RIIAD1: variants seen among roughly 807,000 people sequenced by gnomAD.
RIIAD1 encodes regulatory subunit of type II PKA R-subunit domain containing 1, also known as RIIa domain-containing protein 1.
RIIAD1 carries 15 observed loss-of-function variants against 13.3 expected under a neutral mutation model. That is an observed-to-expected ratio of 1.13 (90% CI 0.76 to 1.74). The LOEUF (loss-of-function observed/expected upper bound fraction) is 1.74, where lower values mean the gene tolerates loss of function less well. Among genes scored for constraint, RIIAD1 ranks in the 40% most tolerant of loss-of-function variants. The pLI is 0.00. For missense variants in RIIAD1, 121 were observed against 112.2 expected, an observed-to-expected ratio of 1.08 and a Z score of -0.35; for synonymous variants, 50 against 43.3, an observed-to-expected ratio of 1.16 and a Z score of -0.61.
chr1:151,722,730 C>G (rs1196998265), intron 2 of RIIAD1, among the ~76,000 whole-genome samples: 2 of 152,200 alleles, frequency 1.3e-5, no homozygotes, highest in African/African-American at 4.8e-5. Context: ...GCACCCATCT[C>G]CAGGCATTGT....
In RIIAD1 at chr1:151,727,640, GTT is replaced by G; in HGVS notation, c.208+22_208+23del. 2 of 1,532,428 alleles carry G rather than the reference GTT, an allele frequency of 1.3e-6. No individual in the cohort carries two copies. Among genetic ancestry groups the G allele is most frequent in the Non-Finnish European group, 1.8e-6 (2 of 1,129,530 alleles). The allele number at this position is 1,532,428 out of a possible 1,614,324, so 94.9% of individuals were successfully genotyped here. A position where few individuals can be genotyped will look rare whatever the true frequency, so the allele number is the denominator to read the frequency against. ...GCTGCAGGTGAGTAAGGCAGCGTCG[GTT>G]TTGGGTATCTGACAAAGCCAGCGCA... On this transcript the variant is annotated intron_variant, in intron 3 of 4. Coordinates refer to ENST00000479191, the MANE Select transcript of RIIAD1 (RefSeq NM_001144956.3).
At chr1:151,715,023 C>T (rs371432136) in intron 4 of RIIAD1, among the ~76,000 whole-genome samples, 10 of 152,048 alleles carry the variant, frequency 6.6e-5, no homozygotes, top group East Asian at 1.9e-4. Flanking sequence ...CCCTCACCTC[C>T]ACCTCCCTCC....
chr1:151,721,470 G>T, upstream of RIIAD1: 2 of 986,618 alleles, frequency 2.0e-6, no homozygotes, highest in Non-Finnish European at 2.7e-6. Flanking sequence ...CCGGGCTTGG[G>T]GGCAGGGCGG....
chr1:151,728,931 A>T (rs934734677), intron 4 of RIIAD1, 38 bp downstream of exon 4: 1 of 703,896 alleles, frequency 1.4e-6, no homozygotes, highest in Non-Finnish European at 2.5e-6. Context: ...AGGCTTCTTT[A>T]CTCTTGTGAA....
upstream of RIIAD1, chr1:151,721,433 C>A: frequency 1.7e-6 from 1 of 580,790 alleles, no homozygotes; most frequent in Non-Finnish European, 2.6e-6. Context: ...GTTCCCTCAG[C>A]CCCTAGCCCC....
chr1:151,727,053 C>T (rs983573261), intron 2 of RIIAD1, among the ~76,000 whole-genome samples: 2 of 152,078 alleles, frequency 1.3e-5, no homozygotes, highest in African/African-American at 2.4e-5. Context: ...CTTTGGGAGG[C>T]CGAAGTAGGA....
intron 1 of RIIAD1, 160 bp from the exon 2 acceptor site, chr1:151,721,926 A>G: frequency 1.6e-6 from 1 of 626,172 alleles, no homozygotes; most frequent in South Asian, 2.0e-5. Context: ...CGGCAGAATG[A>G]TATTTTATCT....
upstream of RIIAD1, among the ~76,000 whole-genome samples, chr1:151,717,727 C>G: frequency 6.6e-6 from 1 of 152,260 alleles, no homozygotes; most frequent in East Asian, 1.9e-4. Context: ...TTACTCTTTC[C>G]TTTGCTTCTT....
intron 3 of RIIAD1, 45 bp downstream of exon 3, chr1:151,727,666 C>T (rs1250695524): frequency 7.5e-7 from 1 of 1,329,416 alleles, no homozygotes; most frequent in Admixed American, 2.0e-5. Flanking sequence ...AAAGCCAGCG[C>T]AGGGAGCATG....
At chr1:151,721,040 C>T (rs1673724892), upstream of RIIAD1, among the ~76,000 whole-genome samples, 1 of 152,224 alleles carries the variant, frequency 6.6e-6, no homozygotes, top group African/African-American at 2.4e-5. Flanking sequence ...ACAGAACGTT[C>T]CTTCCTTTGC....
intron 4 of RIIAD1, 123 bp from the exon 5 acceptor site, chr1:151,729,365 C>T (rs1647267583): frequency 6.6e-6 from 1 of 152,262 alleles, no homozygotes; most frequent in Non-Finnish European, 1.5e-5. Context: ...GCCATTAAGG[C>T]CACCACACGT....
chr1:151,717,677 C>T (rs1673587514), upstream of RIIAD1, among the ~76,000 whole-genome samples: 1 of 152,244 alleles, frequency 6.6e-6, no homozygotes, highest in Non-Finnish European at 1.5e-5. Context: ...GTGGGAAGAA[C>T]CACAGCTGTC....
chr1:151,723,388 C>T (rs559174610), intron 2 of RIIAD1, among the ~76,000 whole-genome samples: 8 of 145,786 alleles, frequency 5.5e-5, no homozygotes, highest in Non-Finnish European at 1.2e-4. Context: ...GAGCAAAACT[C>T]CATCGCAAAC....
At chr1:151,714,468 G>T (rs1290878693) in exon 4 of RIIAD1, 5 of 743,618 alleles carry the variant, frequency 6.7e-6, no homozygotes, top group Non-Finnish European at 1.2e-5. Flanking sequence ...ATGCTACAGA[G>T]AGAGAGGGGG....
chr1:151,724,947 C>G (rs994330780), intron 2 of RIIAD1, among the ~76,000 whole-genome samples: 6 of 151,808 alleles, frequency 4.0e-5, no homozygotes, highest in Non-Finnish European at 5.9e-5. Flanking sequence ...CTATAGGCAC[C>G]CGCCACCACG....
At chr1:151,724,673 C>T (rs937036427) in intron 2 of RIIAD1, among the ~76,000 whole-genome samples, 2 of 152,182 alleles carry the variant, frequency 1.3e-5, no homozygotes, top group Non-Finnish European at 2.9e-5. Flanking sequence ...GCGTACCAAA[C>T]TCTTAACACC....
In RIIAD1 at chr1:151,729,573, T is replaced by C. The variant is rs1420730164; in HGVS notation, c.*143T>C. 1 of 152,246 alleles carries C rather than the reference T, an allele frequency of 6.6e-6. No individual in the cohort carries two copies. Among genetic ancestry groups the C allele is most frequent in the Non-Finnish European group, 1.5e-5 (1 of 68,040 alleles). 9.4% of individuals were successfully genotyped at this position (152,246 alleles called of 1,614,324 possible). On this transcript the variant is annotated 3_prime_UTR_variant, in exon 5 of 5. Transcript: ENST00000479191. ...CTCTGTCTACTGTCGCAAAAGCTTT[T>C]AAAGATATTCATTAAACACGGACCT...
At chr1:151,716,253 G>A in intron 4 of RIIAD1, 1 of 488,040 alleles carries the variant, frequency 2.0e-6, no homozygotes, top group East Asian at 3.2e-5. Context: ...CCACCAGGGG[G>A]CATCGCCTAA....
chr1:151,724,806 T>TA (rs1673797741), intron 2 of RIIAD1, among the ~76,000 whole-genome samples: 1 of 151,628 alleles, frequency 6.6e-6, no homozygotes, highest in Non-Finnish European at 1.5e-5. Flanking sequence ...AGAAAGTATT[T>TA]TTTTTTTTTT....
Sources: allele counts gnomAD v4.1 joint callset (sites outside exome capture counted in the v4.1 genomes callset), GRCh38; gene constraint gnomAD v4.1.1; transcripts MANE v1.5; gene names NCBI Gene and HGNC (gene_info 2026-07-23, HGNC 2026-07-21).